The following TRIM24 variants were observed in gnomAD, a reference collection of about 807,000 sequenced individuals.
TRIM24 encodes tripartite motif containing 24.
A neutral mutation model predicts 123.9 loss-of-function variants in TRIM24; 29 were observed. That is an observed-to-expected ratio of 0.23 (90% CI 0.17 to 0.32). The LOEUF (loss-of-function observed/expected upper bound fraction) is 0.32. Ranked by LOEUF, TRIM24 falls within the 10% of genes least tolerant of loss-of-function variation. The pLI is 1.00. For missense variants in TRIM24, 932 were observed against 1,295.3 expected (o/e 0.72, Z 4.31); for synonymous variants, 456 against 461.1 (o/e 0.99, Z 0.14).
At chr7:138,497,496 G>A (rs1022022812) in intron 1 of TRIM24, among the ~76,000 whole-genome samples, 15 of 149,476 alleles carry the variant, frequency 1.0e-4, no homozygotes, top group African/African-American at 3.7e-4. Context: ...CACCTCCTGG[G>A]TTCAATCTCC....
chr7:138,528,311 TAAAG>T (rs1224326031), intron 5 of TRIM24, among the ~76,000 whole-genome samples: 1 of 152,070 alleles, frequency 6.6e-6, no homozygotes, highest in Non-Finnish European at 1.5e-5. Flanking sequence ...GAAAGAAAAA[TAAAG>T]AAAATTTGTT....
intron 1 of TRIM24, 154 bp downstream of exon 1, chr7:138,461,066 T>C: frequency 1.2e-6 from 1 of 840,846 alleles, no homozygotes; most frequent in Non-Finnish European, 1.9e-6. Context: ...GACGGTGACA[T>C]GGAGGGCCCG....
At chr7:138,579,021 A>AT (rs35812139) in intron 14 of TRIM24, among the ~76,000 whole-genome samples, 183 bp from the exon 15 acceptor site, 49,284 of 151,668 alleles carry the variant, frequency 0.32, 8,670 homozygotes, top group African/African-American at 0.41. Flanking sequence ...TTCTCTATTT[A>AT]TTTTGGTATT....
At chr7:138,488,406 C>T (rs900638746) in intron 1 of TRIM24, among the ~76,000 whole-genome samples, 4 of 152,132 alleles carry the variant, frequency 2.6e-5, no homozygotes, top group Middle Eastern at 6.8e-3. Context: ...AATTTGTTTG[C>T]TCTTGCATCT....
chr7:138,546,189 T>A (rs1797098845), intron 7 of TRIM24, among the ~76,000 whole-genome samples: 1 of 152,178 alleles, frequency 6.6e-6, no homozygotes, highest in Non-Finnish European at 1.5e-5. Flanking sequence ...TATGACAAGT[T>A]GACATCCTAC....
At chr7:138,545,332 G>A (rs1797080991) in intron 7 of TRIM24, 1 of 438,278 alleles carries the variant, frequency 2.3e-6, no homozygotes, top group Non-Finnish European at 4.6e-6. Context: ...AGCCACGGAT[G>A]TGAAGTGGTG....
chr7:138,570,381 C>T (rs150381863), intron 10 of TRIM24, among the ~76,000 whole-genome samples: 8 of 152,180 alleles, frequency 5.3e-5, no homozygotes, highest in African/African-American at 1.2e-4. Context: ...AGATATTTAT[C>T]GAGGCCTAAT....
chr7:138,509,807 G>C (rs1465746381), intron 2 of TRIM24, among the ~76,000 whole-genome samples: 1 of 151,978 alleles, frequency 6.6e-6, no homozygotes, highest in Admixed American at 6.6e-5. Context: ...TATCACAGAG[G>C]TAGCAACTTT....
chr7:138,485,204 CT>C (rs1371061087), intron 1 of TRIM24, among the ~76,000 whole-genome samples: 3 of 151,438 alleles, frequency 2.0e-5, no homozygotes, highest in African/African-American at 7.3e-5. Context: ...GTTTTGAGTA[CT>C]TTTTTTTACA....
intron 1 of TRIM24, among the ~76,000 whole-genome samples, chr7:138,475,838 T>C (rs964520523): frequency 2.0e-5 from 3 of 152,136 alleles, no homozygotes; most frequent in Admixed American, 2.0e-4. Flanking sequence ...AAAAGATACA[T>C]CTGCAAAATC....
intron 9 of TRIM24, among the ~76,000 whole-genome samples, chr7:138,560,183 C>T (rs1356667308): frequency 6.6e-6 from 1 of 152,174 alleles, no homozygotes; most frequent in African/African-American, 2.4e-5. Context: ...GTATAAGTGT[C>T]CAATTCATGT....
At chr7:138,567,413 G>A (rs1240764270) in intron 9 of TRIM24, 68 bp from the exon 10 acceptor site, 1 of 1,417,614 alleles carries the variant, frequency 7.1e-7, no homozygotes, top group Non-Finnish European at 9.5e-7. Flanking sequence ...AGTTTTATAA[G>A]ATAGAGATTT....
At chr7:138,525,746 C>T (rs1796595385) in intron 5 of TRIM24, among the ~76,000 whole-genome samples, 1 of 152,124 alleles carries the variant, frequency 6.6e-6, no homozygotes, top group Non-Finnish European at 1.5e-5. Flanking sequence ...AGATGCCTGC[C>T]TTATGCTGCA....
chr7:138,494,277 C>T (rs7811381), intron 1 of TRIM24, among the ~76,000 whole-genome samples: 3 of 151,930 alleles, frequency 2.0e-5, no homozygotes, highest in Non-Finnish European at 4.4e-5. Flanking sequence ...TGAGCCACTG[C>T]GACTGGTGTT....
At position 138,558,266 on chromosome 7, in the gene TRIM24, A is replaced by C. The variant is rs117645062; in HGVS notation, c.1530+3300A>C. Among the ~76,000 whole-genome samples the C allele has an allele frequency of 7.2e-3, 1,098 of 152,274 alleles. 13 individuals carry two copies. Among genetic ancestry groups the C allele is most frequent in the South Asian group, 0.045 (216 of 4,822 alleles). On this transcript the variant is annotated intron_variant, in intron 9 of 18. Transcript: ENST00000343526. ...AATTATTTATCCTGCCCCACCATAA[A>C]GTCTTTCCTGTTGTTTCATTGTAAT...
At position 138,583,941 on chromosome 7, in the gene TRIM24, C is replaced by G; in HGVS notation, c.2885C>G (p.Pro962Arg). The change falls in exon 18 of 19, where the codon CCT (proline) becomes CGT (arginine). Residue 962 changes from proline to arginine, a missense_variant. Transcript: ENST00000343526. ...LQEDYSMYSK[P>R]EDFVADFRLI... Reference sequence around the variant, plus strand: ...GAAGATTATTCCATGTACTCAAAACCTGAAGATTTTGTAGCTGATTTTAGA... The same window carrying G: ...GAAGATTATTCCATGTACTCAAAACGTGAAGATTTTGTAGCTGATTTTAGA... 1 of 1,608,724 alleles carries G rather than the reference C, an allele frequency of 6.2e-7. No homozygotes were observed. Among genetic ancestry groups the G allele is most frequent in the Non-Finnish European group, 8.5e-7 (1 of 1,178,548 alleles).
intron 2 of TRIM24, among the ~76,000 whole-genome samples, chr7:138,508,666 T>C (rs1563038613): frequency 1.8e-5 from 1 of 55,122 alleles, no homozygotes; most frequent in East Asian, 3.4e-4. Context: ...AAGAGGAGTG[T>C]GTGTGTGTGT....
chr7:138,534,932 G>C (rs1796833727), intron 6 of TRIM24, among the ~76,000 whole-genome samples: 1 of 152,126 alleles, frequency 6.6e-6, no homozygotes, highest in African/African-American at 2.4e-5. Context: ...AGGTTAGTTA[G>C]CTCTTCTTGT....
chr7:138,464,452 G>A (rs1015736723), intron 1 of TRIM24, among the ~76,000 whole-genome samples: 5 of 151,884 alleles, frequency 3.3e-5, no homozygotes, highest in African/African-American at 1.2e-4. Flanking sequence ...GTGAGCCTTG[G>A]GGTAAAATGG....
Sources: gnomAD v4.1 joint callset for allele counts (sites outside exome capture counted in the v4.1 genomes callset) on GRCh38, gnomAD v4.1.1 for gene constraint, MANE v1.5 for transcripts, NCBI Gene and HGNC (gene_info 2026-07-23, HGNC 2026-07-21) for gene names.